KCNT2: variants seen among roughly 807,000 people sequenced by gnomAD.
The protein encoded by KCNT2 is potassium sodium-activated channel subfamily T member 2, also known as potassium channel subfamily T member 2.
Under a neutral mutation model 153.8 loss-of-function variants are expected in KCNT2, and 67 were observed. The observed-to-expected ratio is 0.44, with a 90% CI of 0.36 to 0.53. The LOEUF (loss-of-function observed/expected upper bound fraction) is 0.53, where lower values mean the gene tolerates loss of function less well. Ranked by LOEUF, KCNT2 falls within the 20% of genes least tolerant of loss-of-function variation. The probability of loss-of-function intolerance (pLI) is 0.00; values close to 1 mark genes in which losing one functional copy is unlikely to be tolerated. For synonymous variants in KCNT2, 500 were observed against 458.8 expected (o/e 1.09, Z -1.15); for missense variants, 975 against 1,354.8 (o/e 0.72, Z 4.40).
At chr1:196,581,758 A>G (rs946780757) in intron 1 of KCNT2, among the ~76,000 whole-genome samples, 5 of 152,178 alleles carry the variant, frequency 3.3e-5, no homozygotes, top group Admixed American at 3.3e-4. Flanking sequence ...AAAAGTATTT[A>G]CTAAAAGCTG....
chr1:196,459,814 A>C (rs1676991625), intron 8 of KCNT2, among the ~76,000 whole-genome samples: 1 of 151,812 alleles, frequency 6.6e-6, no homozygotes, highest in African/African-American at 2.4e-5. Flanking sequence ...CCACATTTGA[A>C]GTCCTCTAAT....
chr1:196,462,840 T>C (rs1677270990), intron 8 of KCNT2, among the ~76,000 whole-genome samples: 1 of 151,712 alleles, frequency 6.6e-6, no homozygotes, highest in South Asian at 2.1e-4. Context: ...TATTCCAGTC[T>C]CCAGTTGTTT....
At chr1:196,488,142 G>GT (rs1235670483) in intron 3 of KCNT2, among the ~76,000 whole-genome samples, 2 of 151,564 alleles carry the variant, frequency 1.3e-5, no homozygotes, top group African/African-American at 4.8e-5. Flanking sequence ...TAATGTTTTC[G>GT]TATCAGTTTT....
chr1:196,312,532 C>A (rs542776436), intron 21 of KCNT2, among the ~76,000 whole-genome samples: 1 of 151,856 alleles, frequency 6.6e-6, no homozygotes, highest in Non-Finnish European at 1.5e-5. Flanking sequence ...TTTCGAAACA[C>A]TTCAAAATAA....
intron 23 of KCNT2, among the ~76,000 whole-genome samples, chr1:196,283,922 T>C (rs1659372486): frequency 6.6e-6 from 1 of 151,798 alleles, no homozygotes; most frequent in Non-Finnish European, 1.5e-5. Context: ...GCAAAATATG[T>C]TTACTGTGTC....
chr1:196,374,055 A>G (rs1459494965), intron 13 of KCNT2, among the ~76,000 whole-genome samples: 1 of 151,952 alleles, frequency 6.6e-6, no homozygotes, highest in Non-Finnish European at 1.5e-5. Flanking sequence ...TATTTTCTAC[A>G]GAAGTCGTGT....
intron 5 of KCNT2, among the ~76,000 whole-genome samples, chr1:196,472,201 T>G (rs1464986456): frequency 6.6e-6 from 1 of 152,130 alleles, no homozygotes; most frequent in Non-Finnish European, 1.5e-5. Flanking sequence ...TAAATGATAC[T>G]CCCAGCTATT....
At chr1:196,534,568 C>T (rs771305991) in intron 1 of KCNT2, among the ~76,000 whole-genome samples, 1 of 151,946 alleles carries the variant, frequency 6.6e-6, no homozygotes, top group Non-Finnish European at 1.5e-5. Context: ...ACTAATTTAG[C>T]ATTAAGTGGA....
At chr1:196,339,520 C>CAGAGAGAGAGAGAGAGAGAGAGAGAGAG (rs5779831) in intron 16 of KCNT2, among the ~76,000 whole-genome samples, 2 of 137,904 alleles carry the variant, frequency 1.5e-5, no homozygotes, top group African/African-American at 5.7e-5. Context: ...CACACACACA[C>CAGAGAGAGAGAGAGAGAGAGAGAGAGAG]AGAGAGAGAG....
chr1:196,428,563 G>A (rs1246317741), intron 9 of KCNT2, among the ~76,000 whole-genome samples: 1 of 152,070 alleles, frequency 6.6e-6, no homozygotes, highest in Admixed American at 6.6e-5. Flanking sequence ...AGAGCTGAGT[G>A]AAAGAGAAAA....
At chr1:196,238,594 TC>T in intron 26 of KCNT2, among the ~76,000 whole-genome samples, 1 of 152,116 alleles carries the variant, frequency 6.6e-6, no homozygotes, top group African/African-American at 2.4e-5. Context: ...ATTCTCTTTT[TC>T]TTTCACGTGT....
chr1:196,565,186 G>GA (rs1317515090), intron 1 of KCNT2, among the ~76,000 whole-genome samples: 1 of 150,056 alleles, frequency 6.7e-6, no homozygotes, highest in Non-Finnish European at 1.5e-5. Context: ...ATAGATATAT[G>GA]AAAAAATCCT....
chr1:196,443,118 C>T (rs575844772), intron 8 of KCNT2, among the ~76,000 whole-genome samples: 1 of 151,676 alleles, frequency 6.6e-6, no homozygotes, highest in East Asian at 1.9e-4. Flanking sequence ...GTTAAGAATG[C>T]CTCCTACGTA....
chr1:196,252,695 A>G (rs570004800), intron 26 of KCNT2, among the ~76,000 whole-genome samples: 3 of 151,798 alleles, frequency 2.0e-5, no homozygotes, highest in Non-Finnish European at 4.4e-5. Flanking sequence ...GTCTAGATCC[A>G]TAATTCCACC....
At chr1:196,306,527 G>A (rs1236587935) in intron 21 of KCNT2, among the ~76,000 whole-genome samples, 1 of 152,098 alleles carries the variant, frequency 6.6e-6, no homozygotes. Flanking sequence ...CTGGAAGGTT[G>A]ATGGATGATT....
intron 12 of KCNT2, among the ~76,000 whole-genome samples, chr1:196,402,634 A>T (rs1042658951): frequency 6.6e-6 from 1 of 151,798 alleles, no homozygotes; most frequent in East Asian, 2.0e-4. Context: ...AGAGGAAACA[A>T]ACAAAACAAT....
At chr1:196,255,394 T>G (rs1173567558) in intron 26 of KCNT2, among the ~76,000 whole-genome samples, 2 of 151,674 alleles carry the variant, frequency 1.3e-5, no homozygotes, top group Admixed American at 6.6e-5. Flanking sequence ...AAAATTATAT[T>G]GAAGAAAGTT....
intron 21 of KCNT2, among the ~76,000 whole-genome samples, chr1:196,311,793 G>A (rs1278486005): frequency 2.0e-5 from 3 of 151,318 alleles, no homozygotes; most frequent in Non-Finnish European, 4.4e-5. Context: ...TTCTCTAAAT[G>A]TTTATTTCTT....
chr1:196,277,755 T>C (rs1014241577), intron 25 of KCNT2, among the ~76,000 whole-genome samples: 17 of 152,174 alleles, frequency 1.1e-4, no homozygotes, highest in Non-Finnish European at 1.8e-4. Context: ...TGTTTTTGAA[T>C]CATTTCATAT....
Sources: gnomAD v4.1 joint callset for allele counts (sites outside exome capture counted in the v4.1 genomes callset) on GRCh38, gnomAD v4.1.1 for gene constraint, MANE v1.5 for transcripts, NCBI Gene and HGNC (gene_info 2026-07-23, HGNC 2026-07-21) for gene names.